MARCHF1: variants seen among roughly 807,000 people sequenced by gnomAD.
MARCHF1 encodes the protein E3 ubiquitin-protein ligase MARCHF1.
Under a neutral mutation model 54.2 loss-of-function variants are expected in MARCHF1, and 40 were observed. The observed-to-expected ratio is 0.74, with a 90% CI of 0.57 to 0.96. The LOEUF is 0.96. MARCHF1 is among the 40% of genes least tolerant of loss of function. MARCHF1 has a pLI of 0.00. For missense variants in MARCHF1, 586 were observed against 656.5 expected (o/e 0.89, Z 1.17); for synonymous variants, 236 against 236.3 (o/e 1.00, Z 0.01).
At chr4:163,548,551 G>A (rs1445645238) in intron 8 of MARCHF1, among the ~76,000 whole-genome samples, 1 of 152,128 alleles carries the variant, frequency 6.6e-6, no homozygotes, top group African/African-American at 2.4e-5. Flanking sequence ...CTTCTAAATC[G>A]CAGTTAACAT....
intron 1 of MARCHF1, among the ~76,000 whole-genome samples, chr4:164,160,133 T>C (rs1730191990): frequency 6.6e-6 from 1 of 152,190 alleles, no homozygotes. Flanking sequence ...TTTTATTACT[T>C]TTCAAATTCG....
At chr4:163,932,621 G>C in intron 3 of MARCHF1, 1 of 425,528 alleles carries the variant, frequency 2.4e-6, no homozygotes, top group South Asian at 1.9e-5. Context: ...AGGGCACCGA[G>C]CTGTCCTATG....
chr4:164,377,035 G>C (rs1206015116), intron 1 of MARCHF1, among the ~76,000 whole-genome samples: 2 of 152,130 alleles, frequency 1.3e-5, no homozygotes, highest in Non-Finnish European at 2.9e-5. Flanking sequence ...ACACTGAATT[G>C]AAGGCAGGCA....
At chr4:164,012,422 C>T (rs1174492026) in intron 2 of MARCHF1, among the ~76,000 whole-genome samples, 2 of 152,058 alleles carry the variant, frequency 1.3e-5, no homozygotes, top group African/African-American at 4.8e-5. Context: ...CTGGATGGTG[C>T]TTATAGATCT....
intron 1 of MARCHF1, among the ~76,000 whole-genome samples, chr4:164,128,319 A>G (rs1186555614): frequency 7.9e-5 from 12 of 152,094 alleles, no homozygotes; most frequent in Admixed American, 7.9e-4. Context: ...TACAGATTTT[A>G]TAACATATTT....
At chr4:163,558,404 TGAGGAGATGCTTGAGCAAGTG>T (rs1739360162) in intron 8 of MARCHF1, among the ~76,000 whole-genome samples, 1 of 152,188 alleles carries the variant, frequency 6.6e-6, no homozygotes, top group Non-Finnish European at 1.5e-5. Flanking sequence ...TCTGTTGTTC[TGAGGAGATGCTTGAGCAAGTG>T]GAGGAGATGC....
intron 2 of MARCHF1, among the ~76,000 whole-genome samples, chr4:164,108,862 G>A (rs1041866962): frequency 3.3e-5 from 5 of 152,010 alleles, no homozygotes; most frequent in African/African-American, 1.2e-4. Context: ...TTAAGAGAAT[G>A]GCAATAGTGG....
At position 163,612,317 on chromosome 4, in the gene MARCHF1, G is replaced by A. The variant is rs758065921; in HGVS notation, c.964C>T (p.Pro322Ser). The A allele has an allele frequency of 1.2e-5, 18 of 1,525,208 alleles. No homozygotes were observed. The Admixed American group carries it at 3.5e-4, about 30-fold the overall frequency. The allele number at this position is 1,525,208 out of a possible 1,614,324, so 94.5% of individuals were successfully genotyped here. A position where few individuals can be genotyped will look rare whatever the true frequency, so the allele number is the denominator to read the frequency against. The change falls in exon 7 of 10, where the codon CCT (proline) becomes TCT (serine). Residue 322 changes from proline (P) to serine (S), a missense_variant. Physicochemically the swap from Pro to Ser is moderately conservative, Grantham distance 74. Around this residue, in one of 3 missense-constraint regions of MARCHF1, gnomAD observed 387 missense variants for 394.6 expected, o/e 0.98. Coordinates refer to ENST00000514618, the MANE Select transcript of MARCHF1 (RefSeq NM_001394959.1). Reference sequence around the variant, plus strand: ...GACCCATCGTCATAGGTGGCAGGAGGCTTCTGAACAGGGTTATTCACCTGG... The same window carrying A: ...GACCCATCGTCATAGGTGGCAGGAGACTTCTGAACAGGGTTATTCACCTGG... The part of the protein sequence containing the change: ...GLQVNNPVQK[P>S]PATYDDGSDN...
chr4:163,604,041 A>G (rs1157585288), intron 7 of MARCHF1, among the ~76,000 whole-genome samples: 1 of 151,970 alleles, frequency 6.6e-6, no homozygotes, highest in Non-Finnish European at 1.5e-5. Flanking sequence ...CCTTCCCTGC[A>G]TTGGCTTCTT....
chr4:164,173,599 C>T (rs1015824209), intron 1 of MARCHF1, among the ~76,000 whole-genome samples: 2 of 152,118 alleles, frequency 1.3e-5, no homozygotes, highest in African/African-American at 2.4e-5. Flanking sequence ...AATGGCTTGG[C>T]ACCATCCTCA....
intron 2 of MARCHF1, among the ~76,000 whole-genome samples, chr4:164,007,287 A>G (rs1374176205): frequency 7.1e-6 from 1 of 141,752 alleles, no homozygotes; most frequent in African/African-American, 2.6e-5. Context: ...CAGATCTGGC[A>G]GTGAGCTGAG....
intron 2 of MARCHF1, among the ~76,000 whole-genome samples, chr4:164,017,362 A>T (rs1753565988): frequency 6.6e-6 from 1 of 152,054 alleles, no homozygotes; most frequent in South Asian, 2.1e-4. Flanking sequence ...TTAAAAGAAA[A>T]GCCTACACAA....
chr4:163,969,450 T>C (rs1203650959), intron 3 of MARCHF1, among the ~76,000 whole-genome samples: 1 of 152,218 alleles, frequency 6.6e-6, no homozygotes, highest in Non-Finnish European at 1.5e-5. Context: ...GAGATATTGA[T>C]TCTTGCCAAT....
chr4:163,529,317 A>G (rs77976490), intron 9 of MARCHF1, among the ~76,000 whole-genome samples: 5,102 of 152,114 alleles, frequency 0.034, 114 homozygotes, highest in Non-Finnish European at 0.049. Flanking sequence ...TCAAGTACCT[A>G]TCATAATTAT....
intron 2 of MARCHF1, among the ~76,000 whole-genome samples, chr4:164,031,440 A>G (rs1753875926): frequency 6.6e-6 from 1 of 150,956 alleles, no homozygotes; most frequent in East Asian, 1.9e-4. Context: ...TTTCAAAAAA[A>G]CCATTCAGTA....
chr4:163,972,163 A>C (rs1318929706), intron 3 of MARCHF1, among the ~76,000 whole-genome samples: 5 of 152,110 alleles, frequency 3.3e-5, no homozygotes, highest in Non-Finnish European at 7.4e-5. Context: ...ACACATGGAC[A>C]CAGGGAGGGG....
chr4:164,120,646 A>T (rs563552104), intron 1 of MARCHF1, among the ~76,000 whole-genome samples: 1 of 152,160 alleles, frequency 6.6e-6, no homozygotes, highest in African/African-American at 2.4e-5. Context: ...CTCTTACCAC[A>T]ACTGAATAAA....
intron 5 of MARCHF1, among the ~76,000 whole-genome samples, chr4:163,633,199 C>T (rs188329326): frequency 6.6e-6 from 1 of 152,212 alleles, no homozygotes; most frequent in African/African-American, 2.4e-5. Flanking sequence ...CTCTCCTCCT[C>T]CAACGGAACT....
chr4:163,653,841 GGT>G (rs1289375434), intron 5 of MARCHF1, among the ~76,000 whole-genome samples: 1 of 84,178 alleles, frequency 1.2e-5, no homozygotes, highest in Non-Finnish European at 2.5e-5. Context: ...AAAGATGATG[GGT>G]ATGTGTAGTT....
Sources: gnomAD v4.1 joint callset for allele counts (sites outside exome capture counted in the v4.1 genomes callset) on GRCh38, gnomAD v4.1.1 for gene constraint, gnomAD v4.1.1 regional missense constraint, MANE v1.5 for transcripts, NCBI Gene and HGNC (gene_info 2026-07-23, HGNC 2026-07-21) for gene names.